Variants in ZNF516 observed in about 807,000 individuals in gnomAD.
The protein encoded by ZNF516 is zinc finger protein 516.
Under a neutral mutation model 79.7 loss-of-function variants are expected in ZNF516, and 19 were observed. That is an observed-to-expected ratio of 0.24 (90% confidence interval 0.17 to 0.35). The LOEUF is 0.35. Among genes scored for constraint, ZNF516 ranks in the 10% least tolerant of loss-of-function variants. ZNF516 has a pLI of 1.00. For synonymous variants in ZNF516, 877 were observed against 739.5 expected (o/e 1.19, Z -3.02); for missense variants, 1,678 against 1,679.5 (o/e 1.00, Z 0.02).
chr18:76,391,053 C>T (rs532280582), intron 3 of ZNF516, among the ~76,000 whole-genome samples: 47 of 152,076 alleles, frequency 3.1e-4, no homozygotes, highest in Non-Finnish European at 5.9e-5. Context: ...GGGAAGGAAC[C>T]CAGGCACAGC....
chr18:76,458,992 G>A (rs539039137), intron 2 of ZNF516, among the ~76,000 whole-genome samples: 3 of 152,224 alleles, frequency 2.0e-5, no homozygotes, highest in Admixed American at 2.0e-4. Context: ...TAGTGTGCCC[G>A]AGGGTGTGTG....
At chr18:76,409,799 C>G (rs2075351185) in intron 3 of ZNF516, among the ~76,000 whole-genome samples, 4 of 152,166 alleles carry the variant, frequency 2.6e-5, no homozygotes, top group Admixed American at 2.6e-4. Flanking sequence ...AAATTGGAGG[C>G]ACCAGTGAGA....
chr18:76,496,362 G>A (rs1915484618), upstream of ZNF516: 1 of 1,289,724 alleles, frequency 7.8e-7, no homozygotes, highest in Non-Finnish European at 1.0e-6. Flanking sequence ...ACGTGGCTCC[G>A]CGTAGCAATC....
At position 76,459,900 on chromosome 18, in the gene ZNF516, C is replaced by T. The variant is rs966770162; in HGVS notation, c.-158+3128G>A. ...AAGGAAACGCCGGGTGGGGTCTTTA[C>T]GTAGGCAGCCTCCTTGGCATCGGGC... On this transcript the variant is annotated intron_variant, in intron 2 of 6. Coordinates refer to ENST00000443185, the MANE Select transcript of ZNF516 (RefSeq NM_014643.4). The surrounding 1 kb of genome is among the most constrained non-coding windows in gnomAD (Gnocchi z 5.0). Among the ~76,000 whole-genome samples, 1 of 152,180 alleles carries T rather than the reference C, an allele frequency of 6.6e-6. No homozygotes were observed. The highest frequency in any genetic ancestry group is 1.5e-5 in the Non-Finnish European group (1 of 68,034).
In ZNF516 at chr18:76,359,936, T is replaced by C. The variant is rs1437970327; in HGVS notation, c.*2562A>G. ...TAACAAACCAACACAATACTGACGA[T>C]GGGTGGAAGGAAGGGACCACACATC... On this transcript the variant is annotated 3_prime_UTR_variant, in exon 7 of 7. Coordinates refer to ENST00000443185, the MANE Select transcript of ZNF516 (RefSeq NM_014643.4). 2 of 152,214 alleles carry C rather than the reference T, an allele frequency of 1.3e-5. No individual in the cohort carries two copies. The highest frequency in any genetic ancestry group is 2.9e-5 in the Non-Finnish European group (2 of 68,018). 9.4% of individuals were successfully genotyped at this position (152,214 alleles called of 1,614,324 possible).
Position 76,493,029 on chromosome 18 carries a change from G to A in ZNF516, c.-272+2115C>T. On this transcript the variant is annotated intron_variant, in intron 1 of 6. Coordinates refer to ENST00000443185, the MANE Select transcript of ZNF516 (RefSeq NM_014643.4). The surrounding 1 kb of genome is among the most constrained non-coding windows in gnomAD (Gnocchi z 5.2). ...AATTACCTCCGGGATGGAGAAAGCC[G>A]CTGCGGATTGGCCAGCAGAGCCGTC... 7 of 985,168 alleles carry A rather than the reference G, an allele frequency of 7.1e-6. No homozygotes were observed. Among genetic ancestry groups the A allele is most frequent in the Non-Finnish European group, 8.4e-6 (7 of 830,012 alleles). The allele number at this position is 985,168 out of a possible 1,614,324, so 61.0% of individuals were successfully genotyped here.
intron 2 of ZNF516, among the ~76,000 whole-genome samples, chr18:76,457,953 C>T (rs887792194): frequency 3.0e-4 from 45 of 152,244 alleles, no homozygotes; most frequent in African/African-American, 1.0e-3. Context: ...CAGAGATAAG[C>T]TTCTTCTCAC....
chr18:76,373,305 GAGAAGGGGAGAAAGAAA>G (rs2074737130), intron 4 of ZNF516, among the ~76,000 whole-genome samples: 1 of 151,628 alleles, frequency 6.6e-6, no homozygotes, highest in African/African-American at 2.4e-5. Context: ...GGGAGGGAAA[GAGAAGGGGAGAAAGAAA>G]AGAAGGAAGT....
chr18:76,487,309 A>G (rs1176858414), intron 1 of ZNF516, among the ~76,000 whole-genome samples: 1 of 152,216 alleles, frequency 6.6e-6, no homozygotes, highest in Non-Finnish European at 1.5e-5. Context: ...AAGGAATGCA[A>G]AACAGACAGT....
intron 3 of ZNF516, among the ~76,000 whole-genome samples, chr18:76,436,171 C>T (rs747625578): frequency 2.0e-5 from 3 of 152,238 alleles, no homozygotes; most frequent in Non-Finnish European, 2.9e-5. Flanking sequence ...CTGCTTTTTA[C>T]CTTTACCCAT....
intron 1 of ZNF516, among the ~76,000 whole-genome samples, chr18:76,483,576 G>T (rs150929852): frequency 6.6e-6 from 1 of 152,058 alleles, no homozygotes; most frequent in Non-Finnish European, 1.5e-5. Flanking sequence ...TGGCCCACCC[G>T]CATTTCATCT....
At chr18:76,492,434 G>C (rs1006839804) in intron 1 of ZNF516, 1 of 931,128 alleles carries the variant, frequency 1.1e-6, no homozygotes, top group Non-Finnish European at 1.3e-6. Flanking sequence ...TTCAGGAGGC[G>C]GGTGGGCAGC....
chr18:76,428,473 G>A (rs2075623411), intron 3 of ZNF516, among the ~76,000 whole-genome samples: 1 of 151,786 alleles, frequency 6.6e-6, no homozygotes, highest in South Asian at 2.1e-4. Context: ...CATGTTTACT[G>A]CAGCAGTGTT....
chr18:76,394,848 T>C (rs924496704), intron 3 of ZNF516, among the ~76,000 whole-genome samples: 1 of 147,200 alleles, frequency 6.8e-6, no homozygotes, highest in Non-Finnish European at 1.5e-5. Flanking sequence ...GGAGGGCAGG[T>C]GGGAAGGCAG....
chr18:76,404,739 T>C (rs571087334), intron 3 of ZNF516, among the ~76,000 whole-genome samples: 71 of 2,318 alleles, frequency 0.031, no homozygotes, highest in Non-Finnish European at 0.11. Flanking sequence ...AGCATGTGCG[T>C]TGTGTGTGCA....
intron 3 of ZNF516, among the ~76,000 whole-genome samples, chr18:76,403,776 C>A (rs1599034637): frequency 1.3e-5 from 2 of 152,218 alleles, no homozygotes; most frequent in African/African-American, 4.8e-5. Flanking sequence ...GCCTCACCTT[C>A]TCCTATTGAC....
chr18:76,447,519 G>A (rs928439242), intron 2 of ZNF516, among the ~76,000 whole-genome samples: 7 of 152,174 alleles, frequency 4.6e-5, no homozygotes, highest in East Asian at 1.9e-4. Flanking sequence ...TGTAACACAC[G>A]GGCCTGGAGA....
chr18:76,394,966 G>A (rs113158633), intron 3 of ZNF516, among the ~76,000 whole-genome samples: 2,042 of 152,192 alleles, frequency 0.013, 19 homozygotes, highest in Admixed American at 0.024. Flanking sequence ...TGGAAGAACC[G>A]GATGATATCC....
At chr18:76,486,840 C>T (rs1281708410) in intron 1 of ZNF516, among the ~76,000 whole-genome samples, 1 of 152,084 alleles carries the variant, frequency 6.6e-6, no homozygotes, top group African/African-American at 2.4e-5. Flanking sequence ...TTCTGAGATT[C>T]TATAGACTTT....
Sources: allele counts gnomAD v4.1 joint callset (sites outside exome capture counted in the v4.1 genomes callset), GRCh38; gene constraint gnomAD v4.1.1; non-coding constraint Gnocchi (gnomAD v3.1); transcripts MANE v1.5; gene names NCBI Gene and HGNC (gene_info 2026-07-23, HGNC 2026-07-21).